The following GPC6 variants were observed in gnomAD, a reference collection of about 807,000 sequenced individuals.
GPC6 encodes glypican 6, also known as glypican-6.
A neutral mutation model predicts 55.2 loss-of-function variants in GPC6; 14 were observed. The ratio of observed to expected loss-of-function variants is 0.25; its 90% CI spans 0.17 to 0.40. GPC6 has a LOEUF of 0.40. GPC6 is among the 10% of genes least tolerant of loss of function. The pLI is 1.00. For synonymous variants in GPC6, 278 were observed against 259.6 expected, an observed-to-expected ratio of 1.07 and a Z score of -0.68; for missense variants, 641 against 708.5, an observed-to-expected ratio of 0.90 and a Z score of 1.08.
In GPC6 at chr13:93,522,648, G is replaced by T. The variant is rs80003126; in HGVS notation, c.161-22615G>T. On this transcript the variant is annotated intron_variant, in intron 1 of 8. Transcript: ENST00000377047. ...TCCAAAAAGATCATGCTTCAGAGGAGATGAGCTAAGTCATCAAAGACAAAA... is the reference window on the plus strand; with the variant it reads ...TCCAAAAAGATCATGCTTCAGAGGATATGAGCTAAGTCATCAAAGACAAAA... Among the ~76,000 whole-genome samples, 594 of 151,896 alleles carry T rather than the reference G, an allele frequency of 3.9e-3. 31 individuals are homozygous for T. The East Asian group carries it at 0.099, about 25-fold the overall frequency.
chr13:93,398,107 A>G (rs1875931387), intron 1 of GPC6, among the ~76,000 whole-genome samples: 1 of 152,182 alleles, frequency 6.6e-6, no homozygotes, highest in African/African-American at 2.4e-5. Flanking sequence ...TACACCTTGA[A>G]TTAGTCCCAA....
chr13:93,908,908 G>A (rs1442630350), intron 3 of GPC6, among the ~76,000 whole-genome samples: 1 of 151,802 alleles, frequency 6.6e-6, no homozygotes, highest in East Asian at 1.9e-4. Flanking sequence ...CCTGGCTAGA[G>A]GAGGCTTCCT....
chr13:93,300,561 T>A (rs1353388322), intron 1 of GPC6, among the ~76,000 whole-genome samples: 1 of 146,692 alleles, frequency 6.8e-6, no homozygotes, highest in African/African-American at 2.5e-5. Context: ...GGCAGGAGAA[T>A]GGTGTGAACC....
intron 1 of GPC6, among the ~76,000 whole-genome samples, chr13:93,285,393 C>T (rs1878075885): frequency 2.0e-5 from 3 of 151,996 alleles, no homozygotes; most frequent in African/African-American, 7.3e-5. Flanking sequence ...TACTACCATG[C>T]CATATTACTA....
chr13:93,751,372 A>C (rs1884583525), intron 2 of GPC6, among the ~76,000 whole-genome samples: 1 of 151,506 alleles, frequency 6.6e-6, no homozygotes, highest in Admixed American at 6.6e-5. Flanking sequence ...ATTTTTGTTG[A>C]GTTTCAGTTT....
At chr13:93,408,600 G>T (rs985148732) in intron 1 of GPC6, among the ~76,000 whole-genome samples, 5 of 152,164 alleles carry the variant, frequency 3.3e-5, no homozygotes, top group African/African-American at 1.2e-4. Context: ...ATAGGAAATT[G>T]ACAGTAGCAT....
At chr13:94,389,621 T>A (rs1302911441) in intron 7 of GPC6, among the ~76,000 whole-genome samples, 1 of 152,072 alleles carries the variant, frequency 6.6e-6, no homozygotes, top group Non-Finnish European at 1.5e-5. Context: ...AGACCCTTTT[T>A]CCAAACTCAG....
At chr13:93,512,299 GT>G (rs1216837007) in intron 1 of GPC6, among the ~76,000 whole-genome samples, 1 of 152,050 alleles carries the variant, frequency 6.6e-6, no homozygotes, top group Non-Finnish European at 1.5e-5. Flanking sequence ...TTAGTATGCT[GT>G]TAGTTGTGTG....
intron 1 of GPC6, among the ~76,000 whole-genome samples, chr13:93,337,111 A>G (rs1201864170): frequency 6.6e-6 from 1 of 152,182 alleles, no homozygotes. Context: ...GTGGCCATTA[A>G]TGGTAAAATT....
intron 2 of GPC6, among the ~76,000 whole-genome samples, chr13:93,714,170 A>G (rs1259309966): frequency 6.6e-6 from 1 of 151,988 alleles, no homozygotes; most frequent in East Asian, 1.9e-4. Context: ...ATGGGAGAAA[A>G]TATTCACAAA....
intron 4 of GPC6, among the ~76,000 whole-genome samples, chr13:94,040,274 T>C (rs577776189): frequency 1.3e-5 from 2 of 151,972 alleles, no homozygotes; most frequent in East Asian, 1.9e-4. Context: ...CTTGCTTCAT[T>C]GCATGTCCTG....
In GPC6 at chr13:93,537,056, G is replaced by A. The variant is rs533947973; in HGVS notation, c.161-8207G>A. Among the ~76,000 whole-genome samples the A allele has an allele frequency of 2.0e-5, 3 of 152,232 alleles. No individual in the cohort carries two copies. In the South Asian group the frequency reaches 6.2e-4, roughly 32 times the overall value. ...TTCTGAATGAGGGATAATAATGAGTGGTGCCTGCTTAGACTTTGTGATGTG... is the reference window on the plus strand; with the variant it reads ...TTCTGAATGAGGGATAATAATGAGTAGTGCCTGCTTAGACTTTGTGATGTG... On this transcript the variant is annotated intron_variant, in intron 1 of 8. Transcript: ENST00000377047.
intron 1 of GPC6, among the ~76,000 whole-genome samples, chr13:93,454,216 A>G (rs1878344530): frequency 6.8e-6 from 1 of 147,618 alleles, no homozygotes; most frequent in Non-Finnish European, 1.5e-5. Context: ...CAATTGGTGT[A>G]TTTACGATCC....
At chr13:93,859,291 G>A (rs907037387) in intron 3 of GPC6, among the ~76,000 whole-genome samples, 4 of 151,530 alleles carry the variant, frequency 2.6e-5, no homozygotes, top group African/African-American at 9.7e-5. Flanking sequence ...TCTTAGTGAT[G>A]TGTCTAATTG....
intron 6 of GPC6, among the ~76,000 whole-genome samples, chr13:94,374,668 C>T (rs1879750961): frequency 6.6e-6 from 1 of 151,554 alleles, no homozygotes; most frequent in African/African-American, 2.4e-5. Context: ...AGAAAGTCAA[C>T]AAGGAAACCC....
intron 2 of GPC6, among the ~76,000 whole-genome samples, chr13:93,637,431 T>C (rs1181899526): frequency 1.3e-5 from 2 of 151,818 alleles, no homozygotes; most frequent in African/African-American, 4.9e-5. Flanking sequence ...CACAATGTTT[T>C]GCCAGACTAA....
intron 2 of GPC6, among the ~76,000 whole-genome samples, chr13:93,647,828 G>A (rs1363369811): frequency 6.6e-6 from 1 of 152,106 alleles, no homozygotes; most frequent in African/African-American, 2.4e-5. Context: ...GGCTCTCTCT[G>A]TCTTTTTCTG....
At chr13:94,193,995 A>C (rs758381107) in intron 4 of GPC6, among the ~76,000 whole-genome samples, 2 of 152,234 alleles carry the variant, frequency 1.3e-5, no homozygotes, top group African/African-American at 2.4e-5. Flanking sequence ...TGGGAAAAAC[A>C]GATATTGAAG....
intron 2 of GPC6, among the ~76,000 whole-genome samples, chr13:93,736,812 C>T (rs964335595): frequency 5.3e-5 from 8 of 152,220 alleles, no homozygotes; most frequent in East Asian, 1.9e-4. Context: ...AAGGTACATG[C>T]ACTTCTGAAA....
Sources: allele counts gnomAD v4.1 joint callset (sites outside exome capture counted in the v4.1 genomes callset), GRCh38; gene constraint gnomAD v4.1.1; transcripts MANE v1.5; gene names NCBI Gene and HGNC (gene_info 2026-07-23, HGNC 2026-07-21).